The following B3GLCT variants were observed in gnomAD, a reference collection of about 807,000 sequenced individuals.
B3GLCT encodes the protein beta 3-glucosyltransferase.
Under a neutral mutation model 63.4 loss-of-function variants are expected in B3GLCT, and 65 were observed. The ratio of observed to expected loss-of-function variants is 1.03; its 90% CI spans 0.84 to 1.26. The LOEUF is 1.26. B3GLCT is among the 50% of genes most tolerant of loss of function. The pLI is 0.00. For missense variants in B3GLCT, 577 were observed against 604.8 expected (o/e 0.95, Z 0.48); for synonymous variants, 233 against 219.2 (o/e 1.06, Z -0.55).
At chr13:31,281,074 T>G (rs1873044838) in intron 10 of B3GLCT, among the ~76,000 whole-genome samples, 1 of 152,190 alleles carries the variant, frequency 6.6e-6, no homozygotes, top group Non-Finnish European at 1.5e-5. Context: ...GAATTTTCTT[T>G]GCATCATTTT....
intron 13 of B3GLCT, among the ~76,000 whole-genome samples, chr13:31,318,172 A>C (rs998746526): frequency 1.3e-5 from 2 of 152,230 alleles, no homozygotes; most frequent in Non-Finnish European, 2.9e-5. Flanking sequence ...GCATCTGCCT[A>C]ATCTCATACG....
chr13:31,296,035 A>C (rs1412648960), intron 12 of B3GLCT, among the ~76,000 whole-genome samples: 1 of 152,192 alleles, frequency 6.6e-6, no homozygotes, highest in Non-Finnish European at 1.5e-5. Context: ...CTCATAGCAC[A>C]GTCCCTCTTG....
intron 1 of B3GLCT, among the ~76,000 whole-genome samples, chr13:31,213,544 G>C (rs563852702): frequency 2.0e-5 from 3 of 150,594 alleles, no homozygotes; most frequent in African/African-American, 7.3e-5. Context: ...CTGAGATTGT[G>C]CCATTGCAGT....
At chr13:31,206,622 C>T (rs1006978239) in intron 1 of B3GLCT, among the ~76,000 whole-genome samples, 9 of 147,150 alleles carry the variant, frequency 6.1e-5, no homozygotes, top group Non-Finnish European at 1.0e-4. Flanking sequence ...GGCATGGTGG[C>T]GGGTGCTTGT....
intron 7 of B3GLCT, among the ~76,000 whole-genome samples, chr13:31,268,594 A>C (rs1358304166): frequency 6.6e-6 from 1 of 152,158 alleles, no homozygotes; most frequent in Admixed American, 6.5e-5. Flanking sequence ...CACTCTAGGC[A>C]GATGTCCATT....
chr13:31,218,015 G>A (rs183244919), intron 2 of B3GLCT, among the ~76,000 whole-genome samples: 38 of 152,012 alleles, frequency 2.5e-4, no homozygotes, highest in African/African-American at 8.7e-4. Context: ...AAATTGCTTT[G>A]GGCAATATGG....
chr13:31,211,245 A>G (rs1266529114), intron 1 of B3GLCT, among the ~76,000 whole-genome samples: 4 of 152,098 alleles, frequency 2.6e-5, no homozygotes, highest in Non-Finnish European at 5.9e-5. Flanking sequence ...AAATACAAAA[A>G]TTAGCTGGGC....
intron 12 of B3GLCT, among the ~76,000 whole-genome samples, chr13:31,297,489 C>T (rs2137900745): frequency 6.6e-6 from 1 of 151,362 alleles, no homozygotes; most frequent in East Asian, 2.0e-4. Flanking sequence ...CCTCTGTTCT[C>T]ACACTGCAAT....
At chr13:31,251,022 G>GC (rs981684566) in intron 6 of B3GLCT, among the ~76,000 whole-genome samples, 5 of 152,154 alleles carry the variant, frequency 3.3e-5, no homozygotes, top group Non-Finnish European at 7.4e-5. Flanking sequence ...GAAGGAACAG[G>GC]CAGCAATCTT....
At position 31,229,303 on chromosome 13, in the gene B3GLCT, C is replaced by A. The variant is rs567259766; in HGVS notation, c.270+9C>A. ...CTGCAGATCTTACACAGGTACGTAG[C>A]GATGGCTGGGGGGTCTGCCAGTTAT... is the stretch of plus-strand genomic sequence containing the variant. On this transcript the variant is annotated intron_variant, in intron 4 of 14. Coordinates refer to ENST00000343307, the MANE Select transcript of B3GLCT (RefSeq NM_194318.4). 2 of 1,515,006 alleles carry A rather than the reference C, an allele frequency of 1.3e-6. No homozygotes were observed. Among genetic ancestry groups the A allele is most frequent in the Non-Finnish European group, 9.2e-7 (1 of 1,089,620 alleles). 93.8% of individuals were successfully genotyped at this position (1,515,006 alleles called of 1,614,324 possible).
chr13:31,221,719 G>A (rs948776350), intron 2 of B3GLCT, among the ~76,000 whole-genome samples: 2 of 152,190 alleles, frequency 1.3e-5, no homozygotes, highest in East Asian at 1.9e-4. Flanking sequence ...CTGTGGATAC[G>A]TCTCTTGGCT....
chr13:31,212,885 G>C (rs1472377421), intron 1 of B3GLCT, among the ~76,000 whole-genome samples: 2 of 152,018 alleles, frequency 1.3e-5, no homozygotes, highest in Admixed American at 1.3e-4. Context: ...TCTTCTTCAG[G>C]GTTTTAAATG....
At chr13:31,209,459 A>G (rs2137735665) in intron 1 of B3GLCT, among the ~76,000 whole-genome samples, 1 of 152,292 alleles carries the variant, frequency 6.6e-6, no homozygotes, top group East Asian at 1.9e-4. Flanking sequence ...CTTTGTAAGT[A>G]GGTCACAGGA....
At chr13:31,293,213 A>G (rs2137892498) in intron 12 of B3GLCT, among the ~76,000 whole-genome samples, 1 of 152,278 alleles carries the variant, frequency 6.6e-6, no homozygotes, top group Admixed American at 6.5e-5. Flanking sequence ...GGAGTGTTTT[A>G]CTTCCAATTA....
chr13:31,224,239 G>A (rs952018695), intron 3 of B3GLCT, among the ~76,000 whole-genome samples: 5 of 152,070 alleles, frequency 3.3e-5, no homozygotes, highest in African/African-American at 1.2e-4. Flanking sequence ...GTTTAGCCAC[G>A]CCTTTCCATG....
At position 31,299,388 on chromosome 13, in the gene B3GLCT, G is replaced by T. The variant is rs966140416; in HGVS notation, c.1064+12569G>T. ...AAATCCATGCAATATCTTCTGTTTA[G>T]TTGTTTTTTTAATGGTACTCAGAGT... On this transcript the variant is annotated intron_variant, in intron 12 of 14. Transcript: ENST00000343307. Among the ~76,000 whole-genome samples the T allele has an allele frequency of 1.8e-4, 27 of 152,126 alleles. 1 individual carries two copies. The highest frequency in any genetic ancestry group is 6.3e-4 in the African/African-American group (26 of 41,424).
intron 1 of B3GLCT, among the ~76,000 whole-genome samples, chr13:31,205,251 T>G (rs572721280): frequency 6.6e-6 from 1 of 151,642 alleles, no homozygotes; most frequent in Admixed American, 6.6e-5. Context: ...TTTTTTTGTT[T>G]TTTTTTTTAA....
chr13:31,202,697 G>A (rs1370254163), intron 1 of B3GLCT, among the ~76,000 whole-genome samples: 1 of 152,168 alleles, frequency 6.6e-6, no homozygotes, highest in African/African-American at 2.4e-5. Flanking sequence ...TCCTGGTAAA[G>A]CTCATTCAAG....
intron 6 of B3GLCT, among the ~76,000 whole-genome samples, chr13:31,249,094 A>G (rs940837169): frequency 6.6e-6 from 1 of 152,120 alleles, no homozygotes; most frequent in Non-Finnish European, 1.5e-5. Context: ...ATCAGATGTA[A>G]TGAGCTCATG....
Sources: allele counts gnomAD v4.1 joint callset (sites outside exome capture counted in the v4.1 genomes callset), GRCh38; gene constraint gnomAD v4.1.1; transcripts MANE v1.5; gene names NCBI Gene and HGNC (gene_info 2026-07-23, HGNC 2026-07-21).